The following SYNPO2 variants were observed in gnomAD, a reference collection of about 807,000 sequenced individuals.
SYNPO2 encodes synaptopodin 2, also known as synaptopodin-2.
SYNPO2 carries 56 observed loss-of-function variants against 85.0 expected under a neutral mutation model. That is an observed-to-expected ratio of 0.66 (90% CI 0.53 to 0.82). SYNPO2 has a LOEUF of 0.82. SYNPO2 is among the 40% of genes least tolerant of loss of function. SYNPO2 has a pLI of 0.00. For missense variants in SYNPO2, 1,575 were observed against 1,534.2 expected, an observed-to-expected ratio of 1.03 and a Z score of -0.44; for synonymous variants, 602 against 591.1, an observed-to-expected ratio of 1.02 and a Z score of -0.27.
intron 4 of SYNPO2, chr4:119,038,450 T>C (rs1302338940): frequency 1.0e-6 from 1 of 985,262 alleles, no homozygotes; most frequent in African/African-American, 1.7e-5. Flanking sequence ...ATGAATAGTG[T>C]TGTTCGTTGG....
chr4:118,955,420 T>C (rs1734841977), intron 1 of SYNPO2, among the ~76,000 whole-genome samples: 1 of 152,232 alleles, frequency 6.6e-6, no homozygotes, highest in Non-Finnish European at 1.5e-5. Context: ...TGTACTTAGA[T>C]GGCACATGGC....
In SYNPO2 at chr4:119,031,105, C is replaced by T; in HGVS notation, c.2330C>T (p.Ser777Phe). The change falls in exon 4 of 5, where the codon TCC (serine) becomes TTC (phenylalanine). Residue 777 changes from serine (S) to phenylalanine (F), a missense_variant. Transcript: ENST00000307142. ...TCCTCCCAACCAGTAACTCCAGTTTCCCCAGTCTGGTCTCCAGGAGTGGCT... is the reference window on the plus strand; with the variant it reads ...TCCTCCCAACCAGTAACTCCAGTTTTCCCAGTCTGGTCTCCAGGAGTGGCT... ...SSSSQPVTPV[S>F]PVWSPGVAPT... 1 of 1,614,106 alleles carries T rather than the reference C, an allele frequency of 6.2e-7. No homozygotes were observed.
At chr4:118,855,592 A>T (rs1400962883) in intron 1 of SYNPO2, among the ~76,000 whole-genome samples, 1 of 152,160 alleles carries the variant, frequency 6.6e-6, no homozygotes, top group Non-Finnish European at 1.5e-5. Flanking sequence ...AAATACATTA[A>T]CCATTAAAAT....
Position 119,057,758 on chromosome 4 carries a change from A to C in SYNPO2, c.3610A>C (p.Asn1204His), listed in dbSNP as rs200475909. 6.2e-7 allele frequency: 1 copy of C among 1,614,168 alleles called. No individual in the cohort carries two copies. Among genetic ancestry groups the C allele is most frequent in the East Asian group, 2.2e-5 (1 of 44,880 alleles). Reference sequence around the variant, plus strand: ...AAGGCAAGAGTATAATGTCACAGCCAATAATAATATGTCCACCACCTCCCA... The same window carrying C: ...AAGGCAAGAGTATAATGTCACAGCCCATAATAATATGTCCACCACCTCCCA... ...CGRQEYNVTANNNMSTTSQYG... is the reference protein window; with the variant it reads ...CGRQEYNVTAHNNMSTTSQYG... Residue 1204 changes from asparagine (N) to histidine (H), a missense_variant, in exon 5 of 5, where the codon AAT (asparagine) becomes CAT (histidine). By Grantham distance (68) the Asn-to-His change is moderately conservative. Around this residue, in one of 3 missense-constraint regions of SYNPO2, gnomAD observed 1,508 missense variants for 1,446.8 expected, o/e 1.04. Coordinates refer to ENST00000307142, the MANE Select transcript of SYNPO2 (RefSeq NM_133477.3).
At chr4:118,865,633 C>G (rs1731687309) in intron 1 of SYNPO2, among the ~76,000 whole-genome samples, 1 of 152,074 alleles carries the variant, frequency 6.6e-6, no homozygotes, top group East Asian at 1.9e-4. Context: ...GTCACTGAAA[C>G]AGATGCTAGG....
At chr4:118,858,788 A>G (rs993733121) in intron 1 of SYNPO2, among the ~76,000 whole-genome samples, 1 of 152,242 alleles carries the variant, frequency 6.6e-6, no homozygotes, top group Non-Finnish European at 1.5e-5. Flanking sequence ...CAAAATGCCT[A>G]CTGCATCTGA....
Position 119,039,570 on chromosome 4 carries a change from G to A in SYNPO2, c.3252+7543G>A, listed in dbSNP as rs183696399. On this transcript the variant is annotated intron_variant, in intron 4 of 4. Coordinates refer to ENST00000307142, the MANE Select transcript of SYNPO2 (RefSeq NM_133477.3). ...TTGCTTATTACAACTCAATAATGGC[G>A]AAGGGAAGCTCAACATTTTGCTGGT... 5.3e-4 allele frequency among the ~76,000 whole-genome samples: 80 copies of A among 152,182 alleles called. 1 individual carries two copies. Among genetic ancestry groups the A allele is most frequent in the Admixed American group, 4.7e-3 (72 of 15,288 alleles).
intron 4 of SYNPO2, chr4:119,034,580 A>G (rs1738424947): frequency 3.0e-6 from 3 of 985,556 alleles, no homozygotes; most frequent in Non-Finnish European, 3.6e-6. Flanking sequence ...TCAGCTGGGC[A>G]CTGGCAGCAT....
At chr4:118,974,761 T>C (rs1030358320) in intron 1 of SYNPO2, among the ~76,000 whole-genome samples, 1 of 152,226 alleles carries the variant, frequency 6.6e-6, no homozygotes, top group Non-Finnish European at 1.5e-5. Flanking sequence ...CCTTGACTTC[T>C]GCTTCTCTAC....
chr4:119,003,290 CAAACACATA>C (rs955289330), intron 1 of SYNPO2, among the ~76,000 whole-genome samples: 8 of 152,066 alleles, frequency 5.3e-5, no homozygotes, highest in African/African-American at 1.9e-4. Flanking sequence ...GAGGAACTGC[CAAACACATA>C]AAACCATCAG....
intron 1 of SYNPO2, among the ~76,000 whole-genome samples, chr4:118,915,493 G>A (rs1455859877): frequency 6.6e-6 from 1 of 152,090 alleles, no homozygotes. Context: ...ATTACCACTA[G>A]GATTTATCCA....
chr4:118,887,047 A>C (rs932083915), upstream of SYNPO2, among the ~76,000 whole-genome samples: 2 of 151,984 alleles, frequency 1.3e-5, no homozygotes, highest in Non-Finnish European at 2.9e-5. Context: ...GTTTGTATGG[A>C]GTTTGAAAGT....
intron 1 of SYNPO2, among the ~76,000 whole-genome samples, chr4:118,931,119 T>C (rs1046072055): frequency 1.3e-5 from 2 of 152,092 alleles, no homozygotes; most frequent in Non-Finnish European, 2.9e-5. Context: ...CTTAGATACA[T>C]GTTCAATAAA....
chr4:118,926,053 A>C (rs552114987), intron 1 of SYNPO2, among the ~76,000 whole-genome samples: 1 of 152,170 alleles, frequency 6.6e-6, no homozygotes, highest in South Asian at 2.1e-4. Flanking sequence ...GCAGATGAGT[A>C]GGAGAAATAT....
At chr4:118,878,980 C>T (rs1464133451) in intron 1 of SYNPO2, among the ~76,000 whole-genome samples, 4 of 152,176 alleles carry the variant, frequency 2.6e-5, no homozygotes, top group Non-Finnish European at 4.4e-5. Flanking sequence ...CTGCGAAGGT[C>T]TGTGGCTTCA....
chr4:118,969,073 A>C (rs1735426754), intron 1 of SYNPO2, among the ~76,000 whole-genome samples: 1 of 152,176 alleles, frequency 6.6e-6, no homozygotes, highest in Non-Finnish European at 1.5e-5. Context: ...AGTTAAAAGG[A>C]GGGACACGAA....
rs1346504154 is a variant in SYNPO2 at position 118,890,731 on chromosome 4, CTCTG to C, written c.105+1592_105+1595del. 8.7e-4 allele frequency among the ~76,000 whole-genome samples: 110 copies of C among 126,052 alleles called. 1 individual carries two copies. In the East Asian group the frequency reaches 0.02, roughly 22 times the overall value. 82.7% of individuals were successfully genotyped at this position (126,052 alleles called of 152,430 possible). A position where few individuals can be genotyped will look rare whatever the true frequency, so the allele number is the denominator to read the frequency against. ...TCTCTCTCTCTCTCTCTCTCTCTCT[CTCTG>C]TGTGTGTGTGTGTGTGTGTGTAGGG... On this transcript the variant is annotated intron_variant, in intron 1 of 4. Transcript: ENST00000307142.
intron 1 of SYNPO2, among the ~76,000 whole-genome samples, chr4:118,905,464 G>A (rs1016797245): frequency 4.0e-5 from 6 of 151,496 alleles, no homozygotes; most frequent in African/African-American, 1.2e-4. Context: ...GTGTGTGTCT[G>A]TGAGAGAGAG....
At chr4:118,997,390 T>G (rs1411574037) in intron 1 of SYNPO2, among the ~76,000 whole-genome samples, 1 of 152,190 alleles carries the variant, frequency 6.6e-6, no homozygotes, top group Non-Finnish European at 1.5e-5. Flanking sequence ...TAAACCAGTT[T>G]TGTCATTGTT....
Sources: allele counts gnomAD v4.1 joint callset (sites outside exome capture counted in the v4.1 genomes callset), GRCh38; gene constraint gnomAD v4.1.1; regional missense constraint gnomAD v4.1.1; transcripts MANE v1.5; gene names NCBI Gene and HGNC (gene_info 2026-07-23, HGNC 2026-07-21).